Variants in ZNF624 observed in about 807,000 individuals in gnomAD.
The protein encoded by ZNF624 is zinc finger protein 624.
ZNF624 carries 43 observed loss-of-function variants against 74.7 expected under a neutral mutation model. That is an observed-to-expected ratio of 0.58 (90% CI 0.45 to 0.74). The LOEUF (loss-of-function observed/expected upper bound fraction) is 0.74. ZNF624 is among the 30% of genes least tolerant of loss of function. The probability of loss-of-function intolerance (pLI) is 0.00; values close to 1 mark genes in which losing one functional copy is unlikely to be tolerated. For synonymous variants in ZNF624, 331 were observed against 341.3 expected (o/e 0.97, Z 0.33); for missense variants, 820 against 1,030.0 (o/e 0.80, Z 2.79).
At chr17:16,627,038 G>A (rs925893755) in intron 5 of ZNF624, among the ~76,000 whole-genome samples, 1 of 152,206 alleles carries the variant, frequency 6.6e-6, no homozygotes, top group Middle Eastern at 3.4e-3. Context: ...TGGGAGACAA[G>A]AGAGACTCCA....
intron 3 of ZNF624, among the ~76,000 whole-genome samples, chr17:16,639,311 A>T (rs1909413381): frequency 1.3e-5 from 2 of 152,142 alleles, no homozygotes; most frequent in African/African-American, 2.4e-5. Context: ...GTATATATAT[A>T]TCCCTTTGTA....
chr17:16,620,578 G>A (rs1908883720), downstream of ZNF624, among the ~76,000 whole-genome samples: 1 of 152,138 alleles, frequency 6.6e-6, no homozygotes, highest in South Asian at 2.1e-4. Flanking sequence ...TGGGTGGTAG[G>A]AATAAGATGC....
At chr17:16,629,612 G>T (rs547381651) in intron 5 of ZNF624, among the ~76,000 whole-genome samples, 5 of 152,024 alleles carry the variant, frequency 3.3e-5, no homozygotes, top group Non-Finnish European at 7.4e-5. Flanking sequence ...CTGTTACCCA[G>T]GCTGGAGTGC....
At position 16,623,302 on chromosome 17, in the gene ZNF624, A is replaced by G. The variant is rs762489455; in HGVS notation, c.1584T>C (p.Tyr528=). ...HQRIHTGEKP[Y]KCNECGKAFI... ...ATGCTTTCCCACATTCATTACATTT[A>G]TAGGGTTTTTCTCCTGTGTGAATTC... The change falls in exon 6 of 6, where the codon TAT becomes TAC. Residue 528 remains tyrosine, a synonymous_variant. Coordinates refer to ENST00000311331, the MANE Select transcript of ZNF624 (RefSeq NM_020787.4). The surrounding 1 kb of genome is among the most constrained non-coding windows in gnomAD (Gnocchi z 5.3). 2.4e-5 allele frequency: 39 copies of G among 1,613,808 alleles called. No individual in the cohort carries two copies. Among genetic ancestry groups the G allele is most frequent in the Non-Finnish European group, 3.3e-5 (39 of 1,179,850 alleles).
At chr17:16,633,243 T>TTTTA (rs1202314908) in intron 5 of ZNF624, among the ~76,000 whole-genome samples, 2 of 152,200 alleles carry the variant, frequency 1.3e-5, no homozygotes, top group African/African-American at 4.8e-5. Flanking sequence ...ACCTGGTCCA[T>TTTTA]TTTATTAGCT....
chr17:16,637,800 G>C (rs1909369641), intron 3 of ZNF624, among the ~76,000 whole-genome samples: 1 of 152,272 alleles, frequency 6.6e-6, no homozygotes, highest in South Asian at 2.1e-4. Context: ...TCAGGACATA[G>C]GCATGGGCAA....
intron 3 of ZNF624, among the ~76,000 whole-genome samples, chr17:16,636,483 T>C (rs1909333544): frequency 1.3e-5 from 2 of 152,194 alleles, no homozygotes; most frequent in African/African-American, 4.8e-5. Context: ...AGCTAGTATA[T>C]GTCTTCTAGT....
downstream of ZNF624, chr17:16,616,813 C>A: frequency 1.0e-6 from 1 of 971,972 alleles, no homozygotes; most frequent in South Asian, 1.7e-5. Flanking sequence ...GGAAAGTGTT[C>A]CATAATAGTG....
chr17:16,639,614 C>T (rs1909419623), intron 3 of ZNF624, among the ~76,000 whole-genome samples: 1 of 152,154 alleles, frequency 6.6e-6, no homozygotes, highest in Admixed American at 6.5e-5. Context: ...ATGCCCAACA[C>T]ATACAAAGGC....
chr17:16,628,830 G>GA (rs2142586263), intron 5 of ZNF624, among the ~76,000 whole-genome samples: 1 of 151,466 alleles, frequency 6.6e-6, no homozygotes, highest in East Asian at 1.9e-4. Flanking sequence ...TTCAGCATGA[G>GA]AAATATGAAG....
At chr17:16,616,846 A>G (rs1488085831), downstream of ZNF624, 2 of 1,194,004 alleles carry the variant, frequency 1.7e-6, no homozygotes, top group Non-Finnish European at 2.4e-6. Context: ...GAGAGTTCTG[A>G]GTTAATCCCT....
At position 16,633,920 on chromosome 17, in the gene ZNF624, C is replaced by T; in HGVS notation, c.318G>A (p.Leu106=). 1 of 1,613,524 alleles carries T rather than the reference C, an allele frequency of 6.2e-7. No homozygotes were observed. Among genetic ancestry groups the T allele is most frequent in the Non-Finnish European group, 8.5e-7 (1 of 1,179,676 alleles). ...TCACCCATGGTCCTTTCCCATTCTC[C>T]AAATGAGATATCATGTCTGGTTTGG... ...AVSKPDMISH[L]ENGKGPWVTV... is the part of the protein sequence containing the mutation. Residue 106 remains leucine, a synonymous_variant, in exon 5 of 6, where the codon TTG becomes TTA. Coordinates refer to ENST00000311331, the MANE Select transcript of ZNF624 (RefSeq NM_020787.4).
chr17:16,648,777 T>C (rs921315789), intron 2 of ZNF624, among the ~76,000 whole-genome samples: 2 of 152,118 alleles, frequency 1.3e-5, no homozygotes, highest in African/African-American at 4.8e-5. Flanking sequence ...CACATTTAAA[T>C]GTCTTCAGGG....
chr17:16,630,213 C>T (rs1314967129), intron 5 of ZNF624, among the ~76,000 whole-genome samples: 1 of 151,704 alleles, frequency 6.6e-6, no homozygotes, highest in Non-Finnish European at 1.5e-5. Flanking sequence ...TCAAACTTAC[C>T]AAAAATATCC....
At chr17:16,618,918 G>T (rs1908845243), downstream of ZNF624, among the ~76,000 whole-genome samples, 2 of 152,162 alleles carry the variant, frequency 1.3e-5, no homozygotes, top group Non-Finnish European at 2.9e-5. Context: ...TTAAGTTTTT[G>T]AGGTCAAAAG....
At chr17:16,627,740 T>C (rs1181100657) in intron 5 of ZNF624, among the ~76,000 whole-genome samples, 1 of 152,106 alleles carries the variant, frequency 6.6e-6, no homozygotes, top group Admixed American at 6.5e-5. Context: ...GCCCTACAAA[T>C]AGAACGACTA....
intron 5 of ZNF624, among the ~76,000 whole-genome samples, chr17:16,630,475 T>C (rs1403876484): frequency 1.3e-5 from 2 of 152,252 alleles, no homozygotes; most frequent in South Asian, 2.1e-4. Context: ...TAGAATCGCT[T>C]GAACCTGGGA....
At chr17:16,617,942 C>T (rs1908826251), downstream of ZNF624, 5 of 1,099,716 alleles carry the variant, frequency 4.5e-6, no homozygotes, top group South Asian at 6.6e-5. Flanking sequence ...AGCCAGTAGC[C>T]GCGGTGCGGG....
chr17:16,617,026 T>C (rs1908804862), downstream of ZNF624: 1 of 1,608,756 alleles, frequency 6.2e-7, no homozygotes, highest in Non-Finnish European at 8.5e-7. Context: ...TGTATGACCC[T>C]TTCCATTTTC....
Sources: allele counts gnomAD v4.1 joint callset (sites outside exome capture counted in the v4.1 genomes callset), GRCh38; gene constraint gnomAD v4.1.1; non-coding constraint Gnocchi (gnomAD v3.1); transcripts MANE v1.5; gene names NCBI Gene and HGNC (gene_info 2026-07-23, HGNC 2026-07-21).